PCDHA6: variants seen among roughly 807,000 people sequenced by gnomAD.
PCDHA6 encodes protocadherin alpha-6.
In PCDHA6, 55 loss-of-function variants were observed where a neutral mutation model predicts 60.3. The observed-to-expected ratio is 0.91, with a 90% CI of 0.73 to 1.14. The LOEUF is 1.14. Among genes scored for constraint, PCDHA6 ranks in the 50% most tolerant of loss-of-function variants. PCDHA6 has a pLI of 0.00. For missense variants in PCDHA6, 1,327 were observed against 1,256.5 expected, an observed-to-expected ratio of 1.06 and a Z score of -0.85; for synonymous variants, 652 against 557.9, an observed-to-expected ratio of 1.17 and a Z score of -2.38.
rs73266040 is a variant in PCDHA6 at position 140,926,675 on chromosome 5, C to G, written c.2395-52274C>G. 1.5e-3 allele frequency: 923 copies of G among 601,544 alleles called. 7 individuals carry two copies. The African/African-American group carries it at 0.016, about 11-fold the overall frequency. The allele number at this position is 601,544 out of a possible 1,614,324, so 37.3% of individuals were successfully genotyped here. ...TCCGCTTTCCCAGACGGCTGCCCAG[C>G]CTCCAGCCTAGCAAGCCCGGCTCCC... On this transcript the variant is annotated intron_variant, in intron 1 of 3. Coordinates refer to ENST00000529310, the MANE Select transcript of PCDHA6 (RefSeq NM_018909.4).
chr5:140,864,096 T>C (rs1459291547), intron 1 of PCDHA6: 1 of 152,506 alleles, frequency 6.6e-6, no homozygotes, highest in Non-Finnish European at 1.5e-5. Flanking sequence ...TTGATAAGTA[T>C]AATGATAATA....
intron 1 of PCDHA6, among the ~76,000 whole-genome samples, chr5:140,941,274 C>T (rs1267060320): frequency 2.7e-3 from 120 of 44,772 alleles, no homozygotes; most frequent in African/African-American, 7.9e-3. Flanking sequence ...TCTTTCTTTC[C>T]TTCCTTCCTT....
Position 140,835,629 on chromosome 5 carries a change from G to GA in PCDHA6, c.2394+5145dup, listed in dbSNP as rs2150239945. The GA allele has an allele frequency of 2.5e-6, 4 of 1,613,910 alleles. No homozygotes were observed. The East Asian group carries it at 6.7e-5, about 27-fold the overall frequency. ...GGTGCTGGACAGCGCTCTGGACCGC[G>GA]AGAGTGTGTCCGCCTATGAGCTGGT... is the stretch of plus-strand genomic sequence containing the variant. On this transcript the variant is annotated intron_variant, in intron 1 of 3. Transcript: ENST00000529310.
Position 140,909,713 on chromosome 5 carries a change from C to G in PCDHA6, c.2395-69236C>G, listed in dbSNP as rs6870083. 8.9e-3 allele frequency among the ~76,000 whole-genome samples: 1,356 copies of G among 152,266 alleles called. 15 individuals carry two copies. The highest frequency in any genetic ancestry group is 0.032 in the African/African-American group (1,312 of 41,548). ...GGGTTCTGCTAGCTGCTAAGTATAC[C>G]TATGCCAATTATGCATTCTGGCACT... is the stretch of plus-strand genomic sequence containing the variant. On this transcript the variant is annotated intron_variant, in intron 1 of 3. Transcript: ENST00000529310.
At chr5:140,947,610 C>T (rs989640335) in intron 1 of PCDHA6, among the ~76,000 whole-genome samples, 3 of 151,562 alleles carry the variant, frequency 2.0e-5, no homozygotes, top group South Asian at 2.1e-4. Flanking sequence ...GATTTGGTAT[C>T]TTAACAATAT....
chr5:140,953,295 C>T (rs74485628), intron 1 of PCDHA6, among the ~76,000 whole-genome samples: 3,568 of 152,144 alleles, frequency 0.023, 49 homozygotes, highest in Middle Eastern at 0.034. Flanking sequence ...GATTCAGGGA[C>T]GGCAGAGATG....
chr5:140,875,921 C>G, intron 1 of PCDHA6: 1 of 1,614,228 alleles, frequency 6.2e-7, no homozygotes. Flanking sequence ...CCTCTGGACT[C>G]TCATTTTCCT....
In PCDHA6 at chr5:140,841,904, G is replaced by C. The variant is rs2150325203; in HGVS notation, c.2394+11419G>C. On this transcript the variant is annotated intron_variant, in intron 1 of 3. Coordinates refer to ENST00000529310, the MANE Select transcript of PCDHA6 (RefSeq NM_018909.4). ...CGATGAGAATAAACTGGTTGAGCTCGTATTAAGAAAATCCTTGGACAGAGA... is the reference window on the plus strand; with the variant it reads ...CGATGAGAATAAACTGGTTGAGCTCCTATTAAGAAAATCCTTGGACAGAGA... 40 of 1,613,742 alleles carry C rather than the reference G, an allele frequency of 2.5e-5. 1 individual carries two copies. Among genetic ancestry groups the C allele is most frequent in the Non-Finnish European group, 3.2e-5 (38 of 1,179,858 alleles).
In PCDHA6 at chr5:140,985,229, G is replaced by T. The variant is rs903728570; in HGVS notation, c.2542+2666G>T. ...TGGGATTACAGGCGTGAGCCACCGC[G>T]CCTGGCCTAATCTTCTTACTCTTTT... On this transcript the variant is annotated intron_variant, in intron 3 of 3. Transcript: ENST00000529310. 3.9e-5 allele frequency among the ~76,000 whole-genome samples: 6 copies of T among 152,216 alleles called. No homozygotes were observed. The South Asian group carries it at 6.2e-4, about 16-fold the overall frequency.
chr5:140,896,242 C>T (rs1228427310), intron 1 of PCDHA6, among the ~76,000 whole-genome samples: 2 of 152,154 alleles, frequency 1.3e-5, no homozygotes, highest in Non-Finnish European at 2.9e-5. Flanking sequence ...GACTTATATT[C>T]CTTTGGTTAT....
At chr5:140,979,486 C>T (rs1222755275) in intron 2 of PCDHA6, among the ~76,000 whole-genome samples, 1 of 152,032 alleles carries the variant, frequency 6.6e-6, no homozygotes, top group African/African-American at 2.4e-5. Flanking sequence ...TGTGTTCACA[C>T]CTATTAGAGC....
intron 1 of PCDHA6, among the ~76,000 whole-genome samples, chr5:140,977,949 G>A (rs919613337): frequency 2.6e-5 from 4 of 152,036 alleles, no homozygotes; most frequent in Admixed American, 6.6e-5. Context: ...TTCAGTGACA[G>A]GGCCACCTCA....
At chr5:140,927,146 A>T (rs2083897470) in intron 1 of PCDHA6, 1 of 1,614,156 alleles carries the variant, frequency 6.2e-7, no homozygotes, top group East Asian at 2.2e-5. Context: ...GACCGCGAAC[A>T]GCTGTGCAGG....
intron 1 of PCDHA6, chr5:140,843,325 G>A: frequency 6.3e-7 from 1 of 1,596,050 alleles, no homozygotes. Flanking sequence ...TTCTGGTGTC[G>A]CTGGTGGAGA....
chr5:140,922,726 C>T lies in PCDHA6; in HGVS notation c.2395-56223C>T, dbSNP rs118091551. On this transcript the variant is annotated intron_variant, in intron 1 of 3. Coordinates refer to ENST00000529310, the MANE Select transcript of PCDHA6 (RefSeq NM_018909.4). ...GTCAAGAACAAAAAGAAACACTTGA[C>T]AAGGTTGAGAAAAATAAATGGAAAA... is the stretch of plus-strand genomic sequence containing the variant. 6.6e-5 allele frequency among the ~76,000 whole-genome samples: 10 copies of T among 152,012 alleles called. No homozygotes were observed. The East Asian group carries it at 1.9e-3, about 29-fold the overall frequency.
chr5:141,010,341 T>G lies in PCDHA6; in HGVS notation c.*404T>G, dbSNP rs199826290. The stretch of plus-strand genomic sequence containing the variant: ...GAGCAGCTTGGGAGTTTGTGGCCAC[T>G]GGGTATGTGTGGCTACCGCGGGTAT... On this transcript the variant is annotated 3_prime_UTR_variant, in exon 4 of 4. Transcript: ENST00000529310. The G allele has an allele frequency of 4.0e-6, 6 of 1,503,220 alleles. No individual in the cohort carries two copies. Among genetic ancestry groups the G allele is most frequent in the Non-Finnish European group, 4.5e-6 (5 of 1,119,592 alleles). The allele number at this position is 1,503,220 out of a possible 1,614,324, so 93.1% of individuals were successfully genotyped here.
chr5:140,879,003 G>C (rs781827510), intron 1 of PCDHA6, among the ~76,000 whole-genome samples: 1 of 152,144 alleles, frequency 6.6e-6, no homozygotes, highest in African/African-American at 2.4e-5. Flanking sequence ...GTATGCCCTA[G>C]AAATCAGATA....
chr5:140,877,076 T>C, intron 1 of PCDHA6: 1 of 1,613,022 alleles, frequency 6.2e-7, no homozygotes, highest in Non-Finnish European at 8.5e-7. Flanking sequence ...CAGTTCCAGG[T>C]GAGCGCGCGC....
At chr5:140,918,816 A>C (rs1178287306) in intron 1 of PCDHA6, among the ~76,000 whole-genome samples, 1 of 62,452 alleles carries the variant, frequency 1.6e-5, no homozygotes, top group Admixed American at 1.3e-4. Context: ...ATGAACCAAA[A>C]AGTGGCCCCC....
Sources: allele counts gnomAD v4.1 joint callset (sites outside exome capture counted in the v4.1 genomes callset), GRCh38; gene constraint gnomAD v4.1.1; transcripts MANE v1.5; gene names NCBI Gene and HGNC (gene_info 2026-07-23, HGNC 2026-07-21).